Variants in BLOC1S3 observed in about 807,000 individuals in gnomAD.
BLOC1S3 encodes biogenesis of lysosome-related organelles complex 1 subunit 3.
In BLOC1S3, 7 loss-of-function variants were observed where a neutral mutation model predicts 9.1. The ratio of observed to expected loss-of-function variants is 0.77; its 90% CI spans 0.44 to 1.45. The LOEUF (loss-of-function observed/expected upper bound fraction) is 1.45, where lower values mean the gene tolerates loss of function less well. Ranked by LOEUF, BLOC1S3 falls within the 40% of genes most tolerant of loss-of-function variation. BLOC1S3 has a pLI of 0.01. For missense variants in BLOC1S3, 307 were observed against 315.2 expected, an observed-to-expected ratio of 0.97 and a Z score of 0.20; for synonymous variants, 145 against 158.4, an observed-to-expected ratio of 0.92 and a Z score of 0.64.
At chr19:45,184,484 T>C (rs1216740278), downstream of BLOC1S3, among the ~76,000 whole-genome samples, 1 of 152,106 alleles carries the variant, frequency 6.6e-6, no homozygotes, top group Non-Finnish European at 1.5e-5. Flanking sequence ...TGTGCGCCTG[T>C]GGTCCCAGCT....
chr19:45,192,723 C>G (rs1568473363), intron 2 of BLOC1S3, among the ~76,000 whole-genome samples: 1 of 152,152 alleles, frequency 6.6e-6, no homozygotes, highest in African/African-American at 2.4e-5. Context: ...GAAGCTAGAG[C>G]CTGGAATGGG....
intron 3 of BLOC1S3, among the ~76,000 whole-genome samples, chr19:45,206,175 C>G (rs1467072033): frequency 1.3e-5 from 2 of 151,918 alleles, no homozygotes; most frequent in Admixed American, 6.6e-5. Flanking sequence ...TGGTTAAACC[C>G]CGTATCTAGT....
chr19:45,215,993 G>GAAGC, intron 3 of BLOC1S3: 1 of 1,569,282 alleles, frequency 6.4e-7, no homozygotes, highest in East Asian at 2.3e-5. Flanking sequence ...CAGGAGGCAG[G>GAAGC]AAGCACAGGG....
At chr19:45,203,396 C>T (rs1969705544) in intron 3 of BLOC1S3, among the ~76,000 whole-genome samples, 1 of 152,172 alleles carries the variant, frequency 6.6e-6, no homozygotes, top group Non-Finnish European at 1.5e-5. Context: ...GCCTCAGCCT[C>T]CTAAGTAGCT....
At chr19:45,213,107 G>GGGGCCGAGGCAGACAGGCCAAACT (rs1568478223) in intron 3 of BLOC1S3, 1 of 1,538,346 alleles carries the variant, frequency 6.5e-7, no homozygotes, top group African/African-American at 1.4e-5. Flanking sequence ...GACGGAGGCC[G>GGGGCCGAGGCAGACAGGCCAAACT]GGGCCGAGGC....
chr19:45,206,486 C>T (rs1969728549), intron 3 of BLOC1S3, among the ~76,000 whole-genome samples: 1 of 27,012 alleles, frequency 3.7e-5, no homozygotes, highest in South Asian at 9.2e-4. Flanking sequence ...GCAAGGATCT[C>T]ACTCTTTTGC....
At chr19:45,207,774 A>C (rs563049065) in intron 3 of BLOC1S3, among the ~76,000 whole-genome samples, 1 of 152,164 alleles carries the variant, frequency 6.6e-6, no homozygotes, top group Non-Finnish European at 1.5e-5. Context: ...TGCTACACAT[A>C]GGAATGTGCA....
At chr19:45,199,868 C>T (rs1969677207) in intron 2 of BLOC1S3, among the ~76,000 whole-genome samples, 1 of 151,956 alleles carries the variant, frequency 6.6e-6, no homozygotes, top group African/African-American at 2.4e-5. Context: ...TGCGTTCAAT[C>T]AATTCTGGAG....
intron 2 of BLOC1S3, among the ~76,000 whole-genome samples, chr19:45,198,306 T>C (rs1278046475): frequency 6.6e-6 from 1 of 152,220 alleles, no homozygotes; most frequent in Non-Finnish European, 1.5e-5. Flanking sequence ...TGTTTTGTTT[T>C]GTTTTCAGAG....
Position 45,179,181 on chromosome 19 carries a change from A to G in BLOC1S3, c.-9-107A>G, listed in dbSNP as rs1969465800. ...GAGGCCCAGACGGGGAGCAGCTGAC[A>G]CCAAGTCGTTAAGAGAATCAGCGAA... On this transcript the variant is annotated intron_variant, in intron 1 of 1. Coordinates refer to ENST00000433642, the MANE Select transcript of BLOC1S3 (RefSeq NM_212550.5). The surrounding 1 kb of genome is among the most constrained non-coding windows in gnomAD (Gnocchi z 4.6). 4 of 1,282,220 alleles carry G rather than the reference A, an allele frequency of 3.1e-6. No individual in the cohort carries two copies. Among genetic ancestry groups the G allele is most frequent in the Non-Finnish European group, 4.1e-6 (4 of 983,956 alleles). The allele number at this position is 1,282,220 out of a possible 1,614,324, so 79.4% of individuals were successfully genotyped here. A position where few individuals can be genotyped will look rare whatever the true frequency, so the allele number is the denominator to read the frequency against.
chr19:45,183,705 C>T (rs1365155803), downstream of BLOC1S3, among the ~76,000 whole-genome samples: 1 of 145,532 alleles, frequency 6.9e-6, no homozygotes, highest in Non-Finnish European at 1.5e-5. Flanking sequence ...CAGCTCACTG[C>T]AACCTCCACC....
chr19:45,207,635 G>A (rs1969737907), intron 3 of BLOC1S3, among the ~76,000 whole-genome samples: 1 of 150,448 alleles, frequency 6.6e-6, no homozygotes, highest in South Asian at 2.1e-4. Context: ...TACTCGGGAG[G>A]CTGAGTCACG....
downstream of BLOC1S3, among the ~76,000 whole-genome samples, chr19:45,185,119 A>G (rs527450625): frequency 5.3e-5 from 8 of 152,086 alleles, no homozygotes; most frequent in East Asian, 1.6e-3. Context: ...AGGAGGAGAT[A>G]GCCCCCAAGG....
rs571792924 is a variant in BLOC1S3 at position 45,207,903 on chromosome 19, T to C, written n.282+5396T>C. ...ATTGAACTAATGTCAATGTCCTGTT[T>C]TGATGTTGTATTACAGTTATATAAG... On this transcript the variant is annotated intron_variant and non_coding_transcript_variant, in intron 3 of 3. Transcript: ENST00000591569. 1.8e-4 allele frequency among the ~76,000 whole-genome samples: 28 copies of C among 152,270 alleles called. No individual in the cohort carries two copies. In the South Asian group the frequency reaches 5.8e-3, roughly 32 times the overall value.
intron 3 of BLOC1S3, chr19:45,212,695 A>G (rs574743092): frequency 2.0e-4 from 33 of 167,626 alleles, no homozygotes; most frequent in Admixed American, 5.6e-4. Flanking sequence ...CTCGAACTCC[A>G]GTGATCCTCC....
downstream of BLOC1S3, among the ~76,000 whole-genome samples, chr19:45,185,144 G>A (rs547551375): frequency 6.6e-6 from 1 of 152,152 alleles, no homozygotes; most frequent in South Asian, 2.1e-4. Context: ...GGGCAACACT[G>A]GGGTAAGAGA....
downstream of BLOC1S3, among the ~76,000 whole-genome samples, chr19:45,186,019 G>A (rs566028862): frequency 1.9e-4 from 29 of 151,792 alleles, 1 homozygote; most frequent in South Asian, 4.4e-3. Context: ...AGGCTGAGGC[G>A]GGAGAATCAC....
At chr19:45,186,365 G>A (rs552480021), downstream of BLOC1S3, among the ~76,000 whole-genome samples, 2 of 152,156 alleles carry the variant, frequency 1.3e-5, no homozygotes, top group African/African-American at 4.8e-5. Context: ...ATCTCACTAC[G>A]TTGCTCAGGC....
At chr19:45,194,907 T>G (rs1969635331) in intron 2 of BLOC1S3, among the ~76,000 whole-genome samples, 1 of 151,940 alleles carries the variant, frequency 6.6e-6, no homozygotes, top group African/African-American at 2.4e-5. Context: ...ACTAAAAATT[T>G]GTGAACTCTG....
Sources: allele counts gnomAD v4.1 joint callset (sites outside exome capture counted in the v4.1 genomes callset), GRCh38; gene constraint gnomAD v4.1.1; non-coding constraint Gnocchi (gnomAD v3.1); transcripts MANE v1.5; gene names NCBI Gene and HGNC (gene_info 2026-07-23, HGNC 2026-07-21).